KLF12: variants seen among roughly 807,000 people sequenced by gnomAD.
The protein encoded by KLF12 is Krueppel-like factor 12.
In KLF12, 9 loss-of-function variants were observed where a neutral mutation model predicts 37.8. The observed-to-expected ratio is 0.24, with a 90% CI of 0.14 to 0.42. The LOEUF (loss-of-function observed/expected upper bound fraction) is 0.42. KLF12 is among the 10% of genes least tolerant of loss of function. KLF12 has a pLI of 1.00. For synonymous variants in KLF12, 208 were observed against 202.1 expected, an observed-to-expected ratio of 1.03 and a Z score of -0.25; for missense variants, 411 against 516.0, an observed-to-expected ratio of 0.80 and a Z score of 1.97.
intron 3 of KLF12, among the ~76,000 whole-genome samples, chr13:73,942,388 A>T (rs17061703): frequency 6.6e-6 from 1 of 152,066 alleles, no homozygotes; most frequent in South Asian, 2.1e-4. Flanking sequence ...ATGAGACGCC[A>T]GGCTCTATAT....
chr13:74,056,081 A>G (rs531575855), intron 1 of KLF12, among the ~76,000 whole-genome samples: 9 of 152,336 alleles, frequency 5.9e-5, no homozygotes, highest in African/African-American at 2.2e-4. Flanking sequence ...AGGAAAGCAG[A>G]AGGAGGTAAG....
At chr13:74,136,253 G>A (rs927954298), upstream of KLF12, among the ~76,000 whole-genome samples, 3 of 152,128 alleles carry the variant, frequency 2.0e-5, no homozygotes, top group African/African-American at 7.2e-5. Context: ...TGGTTGCTGC[G>A]GTGCGGTCTC....
At chr13:74,150,843 C>T in the KLF12 span, among the ~76,000 whole-genome samples, 1 of 152,104 alleles carries the variant, frequency 6.6e-6, no homozygotes, top group Admixed American at 6.6e-5. Flanking sequence ...AGACTCATGT[C>T]CTGGGGTGGA....
intron 5 of KLF12, among the ~76,000 whole-genome samples, chr13:73,781,016 C>A (rs139082179): frequency 5.3e-4 from 80 of 152,326 alleles, no homozygotes; most frequent in African/African-American, 1.9e-3. Context: ...GCAACCCTCA[C>A]TGTTGTCTTA....
chr13:73,789,601 A>T lies in KLF12; in HGVS notation c.806+23551T>A, dbSNP rs948290322. Among the ~76,000 whole-genome samples the T allele has an allele frequency of 2.6e-5, 4 of 152,170 alleles. No individual in the cohort carries two copies. The East Asian group carries it at 7.7e-4, about 29-fold the overall frequency. On this transcript the variant is annotated intron_variant, in intron 5 of 7. Transcript: ENST00000377669. The stretch of plus-strand genomic sequence containing the variant: ...ACTAATATCTTCTGTGTTCTTCCCA[A>T]GTGTAATGGAAATAAAAGTTTCCCA...
chr13:73,742,702 G>A (rs1415430068), intron 6 of KLF12, among the ~76,000 whole-genome samples: 2 of 152,136 alleles, frequency 1.3e-5, no homozygotes, highest in African/African-American at 2.4e-5. Context: ...GTAAAATAGA[G>A]TTTAGGCAGA....
At chr13:73,874,460 A>G (rs1305356011) in intron 3 of KLF12, among the ~76,000 whole-genome samples, 1 of 152,220 alleles carries the variant, frequency 6.6e-6, no homozygotes, top group African/African-American at 2.4e-5. Flanking sequence ...TGTAAAGTAA[A>G]TCACATGATG....
At chr13:74,227,228 C>T in the KLF12 span, among the ~76,000 whole-genome samples, 1 of 152,082 alleles carries the variant, frequency 6.6e-6, no homozygotes, top group South Asian at 2.1e-4. Flanking sequence ...CTATTCTTGT[C>T]ACAATCCTCT....
At chr13:74,031,726 TAA>T (rs902440252) in intron 1 of KLF12, among the ~76,000 whole-genome samples, 1 of 152,162 alleles carries the variant, frequency 6.6e-6, no homozygotes, top group African/African-American at 2.4e-5. Context: ...GATTAAAAGA[TAA>T]AGTTACTTGA....
chr13:73,760,834 G>A (rs1879504493), intron 6 of KLF12, among the ~76,000 whole-genome samples: 1 of 152,108 alleles, frequency 6.6e-6, no homozygotes, highest in Admixed American at 6.5e-5. Flanking sequence ...AGAGCAAGAA[G>A]TGGAGAGGAA....
chr13:73,898,039 C>T (rs1254772083), intron 3 of KLF12, among the ~76,000 whole-genome samples: 4 of 152,232 alleles, frequency 2.6e-5, no homozygotes, highest in Non-Finnish European at 4.4e-5. Flanking sequence ...TGCCAGGGTA[C>T]GCTCTTCTCC....
intron 1 of KLF12, among the ~76,000 whole-genome samples, chr13:74,051,777 G>A (rs1309344140): frequency 1.3e-5 from 2 of 152,148 alleles, no homozygotes; most frequent in African/African-American, 4.8e-5. Context: ...ATCCCATAAA[G>A]TTAGAGTTAT....
chr13:74,015,893 C>G (rs749746454), intron 1 of KLF12, among the ~76,000 whole-genome samples: 7 of 152,060 alleles, frequency 4.6e-5, no homozygotes, highest in Non-Finnish European at 8.8e-5. Flanking sequence ...CTTAATACAC[C>G]ACCAGACTGC....
At chr13:73,904,323 C>T (rs528655844) in intron 3 of KLF12, among the ~76,000 whole-genome samples, 4 of 152,164 alleles carry the variant, frequency 2.6e-5, no homozygotes, top group South Asian at 4.2e-4. Context: ...CAATCATTGC[C>T]CAAAAATCTT....
chr13:73,773,224 C>A (rs1880381391), intron 5 of KLF12, among the ~76,000 whole-genome samples: 2 of 152,054 alleles, frequency 1.3e-5, no homozygotes, highest in Non-Finnish European at 2.9e-5. Context: ...GAGAAGACCA[C>A]CAGACCAGGG....
At chr13:74,193,669 T>C in the KLF12 span, among the ~76,000 whole-genome samples, 3 of 152,210 alleles carry the variant, frequency 2.0e-5, no homozygotes, top group Admixed American at 1.3e-4. Flanking sequence ...GTTTAAATAA[T>C]ACAATCAAAG....
In KLF12 at chr13:73,690,524, C is replaced by T. The variant is rs1419280430; in HGVS notation, c.*4966G>A. 1 of 152,152 alleles carries T rather than the reference C, an allele frequency of 6.6e-6. No homozygotes were observed. Among genetic ancestry groups the T allele is most frequent in the East Asian group, 1.9e-4 (1 of 5,194 alleles). 9.4% of individuals were successfully genotyped at this position (152,152 alleles called of 1,614,324 possible). The stretch of plus-strand genomic sequence containing the variant: ...TTGCCCTTTTCAGGAAAAGACATTA[C>T]TAGTTTGGAATCAGTTGTCTGCAAC... On this transcript the variant is annotated 3_prime_UTR_variant, in exon 8 of 8. Coordinates refer to ENST00000377669, the MANE Select transcript of KLF12 (RefSeq NM_007249.5).
At chr13:74,145,440 G>C in the KLF12 span, among the ~76,000 whole-genome samples, 2 of 152,200 alleles carry the variant, frequency 1.3e-5, no homozygotes, top group East Asian at 1.9e-4. Context: ...TGCTAGAACT[G>C]TTATCCACAT....
At chr13:74,232,200 A>G in the KLF12 span, among the ~76,000 whole-genome samples, 1 of 152,220 alleles carries the variant, frequency 6.6e-6, no homozygotes, top group Non-Finnish European at 1.5e-5. Context: ...TGTGCTTCCT[A>G]AAGAATGGGT....
Sources: gnomAD v4.1 joint callset for allele counts (sites outside exome capture counted in the v4.1 genomes callset) on GRCh38, gnomAD v4.1.1 for gene constraint, MANE v1.5 for transcripts, NCBI Gene and HGNC (gene_info 2026-07-23, HGNC 2026-07-21) for gene names.